The following LRP1B variants were observed in gnomAD, a reference collection of about 807,000 sequenced individuals.
LRP1B encodes LDL receptor related protein 1B, also known as low-density lipoprotein receptor-related protein 1B.
A neutral mutation model predicts 556.6 loss-of-function variants in LRP1B; 217 were observed. The ratio of observed to expected loss-of-function variants is 0.39; its 90% CI spans 0.35 to 0.44. The LOEUF is 0.44. LRP1B is among the 20% of genes least tolerant of loss of function. The pLI is 1.00. For synonymous variants in LRP1B, 2,047 were observed against 1,865.8 expected, an observed-to-expected ratio of 1.10 and a Z score of -2.50; for missense variants, 5,053 against 5,620.8, an observed-to-expected ratio of 0.90 and a Z score of 3.23.
At chr2:140,572,231 T>G (rs1681350098) in intron 43 of LRP1B, among the ~76,000 whole-genome samples, 1 of 151,630 alleles carries the variant, frequency 6.6e-6, no homozygotes, top group Non-Finnish European at 1.5e-5. Flanking sequence ...AAAATATTTG[T>G]AAACTATTTA....
chr2:140,616,892 C>A (rs1683276504), intron 41 of LRP1B, among the ~76,000 whole-genome samples: 1 of 151,736 alleles, frequency 6.6e-6, no homozygotes, highest in African/African-American at 2.4e-5. Context: ...ATCTTGAATG[C>A]CATTTGTCCT....
chr2:141,937,975 G>A (rs532426774), intron 1 of LRP1B, among the ~76,000 whole-genome samples: 122 of 152,092 alleles, frequency 8.0e-4, no homozygotes, highest in African/African-American at 2.8e-3. Flanking sequence ...TATTCTTGGT[G>A]CTTTTCTCAA....
chr2:141,087,196 T>TTTGGTGTATTAC (rs536188626), intron 7 of LRP1B, among the ~76,000 whole-genome samples: 8,106 of 47,390 alleles, frequency 0.17, 266 homozygotes, highest in South Asian at 0.28. Context: ...GTGAGTATTA[T>TTTGGTGTATTAC]GCTGGTACCC....
At chr2:141,657,580 CA>C (rs1690059969) in intron 2 of LRP1B, among the ~76,000 whole-genome samples, 1 of 150,412 alleles carries the variant, frequency 6.6e-6, no homozygotes, top group African/African-American at 2.4e-5. Context: ...TTCAATTATA[CA>C]TTTCTCTTTT....
At chr2:140,872,463 CTTTA>C (rs1481419881) in intron 25 of LRP1B, among the ~76,000 whole-genome samples, 1 of 131,500 alleles carries the variant, frequency 7.6e-6, no homozygotes, top group Non-Finnish European at 1.6e-5. Context: ...TTAGAAATGT[CTTTA>C]TTTATTTATT....
intron 41 of LRP1B, among the ~76,000 whole-genome samples, chr2:140,647,017 T>C (rs904186885): frequency 6.6e-6 from 1 of 152,134 alleles, no homozygotes; most frequent in Non-Finnish European, 1.5e-5. Flanking sequence ...ATTTATACTC[T>C]AGAGAAATAT....
At chr2:141,900,988 A>T (rs1211534222) in intron 1 of LRP1B, among the ~76,000 whole-genome samples, 1 of 151,988 alleles carries the variant, frequency 6.6e-6, no homozygotes, top group Admixed American at 6.6e-5. Context: ...GACTTGGTGT[A>T]TTCATCCTAG....
intron 2 of LRP1B, among the ~76,000 whole-genome samples, chr2:141,544,859 T>C (rs1053907416): frequency 6.6e-6 from 1 of 151,746 alleles, no homozygotes; most frequent in African/African-American, 2.4e-5. Flanking sequence ...AGAAGTGGTG[T>C]TTCACCATGT....
At chr2:141,499,183 C>T (rs1291453255) in intron 2 of LRP1B, among the ~76,000 whole-genome samples, 2 of 151,996 alleles carry the variant, frequency 1.3e-5, no homozygotes, top group Admixed American at 6.6e-5. Flanking sequence ...GTCTTCTGAC[C>T]AATCTTAAGA....
chr2:141,572,099 C>T (rs867480973), intron 2 of LRP1B, among the ~76,000 whole-genome samples: 119 of 152,130 alleles, frequency 7.8e-4, no homozygotes, highest in African/African-American at 2.7e-3. Context: ...AGATACTCCA[C>T]GAGAAGATCA....
intron 4 of LRP1B, 52 bp downstream of exon 4, chr2:141,254,470 G>A: frequency 1.3e-6 from 2 of 1,586,994 alleles, no homozygotes; most frequent in Admixed American, 1.7e-5. Context: ...TTACATTTCT[G>A]TTAACTAAGC....
At chr2:140,407,019 G>T (rs771985431) in intron 66 of LRP1B, among the ~76,000 whole-genome samples, 4 of 152,110 alleles carry the variant, frequency 2.6e-5, no homozygotes, top group Middle Eastern at 3.4e-3. Flanking sequence ...ACAGAACAAA[G>T]AATCCAAAAA....
At chr2:140,388,812 G>C (rs1441986604) in intron 66 of LRP1B, among the ~76,000 whole-genome samples, 1 of 152,044 alleles carries the variant, frequency 6.6e-6, no homozygotes, top group East Asian at 1.9e-4. Flanking sequence ...AAATCACTTG[G>C]GGAACTTTAA....
rs537668969 is a variant in LRP1B, at chr2:141,102,098, C to T, written c.1014-39825G>A. 3.3e-5 allele frequency among the ~76,000 whole-genome samples: 5 copies of T among 152,114 alleles called. No individual in the cohort carries two copies. The South Asian group carries it at 1.0e-3, about 32-fold the overall frequency. The stretch of plus-strand genomic sequence containing the variant: ...AAGCTACATTTTAACGGTAGAAATG[C>T]CAAAGTTTATGGTTGCTTATACAGA... On this transcript the variant is annotated intron_variant, in intron 7 of 90. Transcript: ENST00000389484.
chr2:140,538,437 C>T (rs982470875), intron 45 of LRP1B, among the ~76,000 whole-genome samples: 4 of 152,204 alleles, frequency 2.6e-5, no homozygotes, highest in South Asian at 2.1e-4. Flanking sequence ...CCATGAGCAT[C>T]GAATGTTTAG....
chr2:140,586,560 G>A (rs1049864923), intron 43 of LRP1B: 1 of 152,218 alleles, frequency 6.6e-6, no homozygotes, highest in Non-Finnish European at 1.5e-5. Flanking sequence ...CTCACTGGAG[G>A]GTCAGGACTT....
intron 27 of LRP1B, 35 bp from the exon 28 acceptor site, chr2:140,851,818 A>G (rs1692467872): frequency 6.4e-7 from 1 of 1,567,954 alleles, no homozygotes; most frequent in South Asian, 1.2e-5. Context: ...ACAGTGAAGA[A>G]GGAAGAATGT....
intron 43 of LRP1B, among the ~76,000 whole-genome samples, chr2:140,551,485 G>T (rs565293226): frequency 6.6e-6 from 1 of 152,262 alleles, no homozygotes; most frequent in African/African-American, 2.4e-5. Context: ...AAGGACACAG[G>T]CCTGATGAGA....
chr2:141,936,167 GT>G (rs1700630845), intron 1 of LRP1B, among the ~76,000 whole-genome samples: 1 of 152,038 alleles, frequency 6.6e-6, no homozygotes, highest in Admixed American at 6.6e-5. Flanking sequence ...CACAAGATAT[GT>G]TTTTTCCTTC....
Sources: gnomAD v4.1 joint callset for allele counts (sites outside exome capture counted in the v4.1 genomes callset) on GRCh38, gnomAD v4.1.1 for gene constraint, MANE v1.5 for transcripts, NCBI Gene and HGNC (gene_info 2026-07-23, HGNC 2026-07-21) for gene names.